LAMA2: variants seen among roughly 807,000 people sequenced by gnomAD.
LAMA2 encodes the protein laminin subunit alpha 2, also known as laminin subunit alpha-2.
Under a neutral mutation model 364.8 loss-of-function variants are expected in LAMA2, and 269 were observed. That is an observed-to-expected ratio of 0.74 (90% CI 0.67 to 0.82). The LOEUF is 0.82. Among genes scored for constraint, LAMA2 ranks in the 40% least tolerant of loss-of-function variants. The pLI is 0.00. For missense variants in LAMA2, 3,807 were observed against 3,873.2 expected (o/e 0.98, Z 0.45); for synonymous variants, 1,379 against 1,370.6 (o/e 1.01, Z -0.14).
intron 12 of LAMA2, among the ~76,000 whole-genome samples, chr6:129,215,063 T>G (rs1208099782): frequency 6.6e-6 from 1 of 152,198 alleles, no homozygotes; most frequent in Non-Finnish European, 1.5e-5. Flanking sequence ...TAACTTCACA[T>G]TCCAATTTTC....
intron 12 of LAMA2, among the ~76,000 whole-genome samples, chr6:129,224,319 T>A (rs534417572): frequency 1.6e-4 from 25 of 152,362 alleles, no homozygotes; most frequent in African/African-American, 6.0e-4. Flanking sequence ...CCTCTTTTCC[T>A]AATTAAATAC....
At chr6:129,135,341 T>G (rs1409832709) in intron 4 of LAMA2, among the ~76,000 whole-genome samples, 1 of 152,204 alleles carries the variant, frequency 6.6e-6, no homozygotes, top group Admixed American at 6.5e-5. Context: ...GGGGCCTAGA[T>G]GACCAGTTCT....
intron 12 of LAMA2, among the ~76,000 whole-genome samples, chr6:129,217,969 G>C (rs1783534938): frequency 6.6e-6 from 1 of 151,900 alleles, no homozygotes; most frequent in Non-Finnish European, 1.5e-5. Flanking sequence ...TGTATTCCAG[G>C]CTTTTAAAAA....
chr6:128,953,195 T>C (rs1780939447), intron 1 of LAMA2, among the ~76,000 whole-genome samples: 1 of 152,188 alleles, frequency 6.6e-6, no homozygotes, highest in Admixed American at 6.5e-5. Flanking sequence ...CAACTGGAAT[T>C]GAAGTCCATG....
At chr6:129,423,143 T>TA (rs1304268039) in intron 40 of LAMA2, among the ~76,000 whole-genome samples, 2 of 151,820 alleles carry the variant, frequency 1.3e-5, no homozygotes, top group Non-Finnish European at 2.9e-5. Flanking sequence ...TATTTTTTTT[T>TA]AAAAACTGCC....
intron 1 of LAMA2, among the ~76,000 whole-genome samples, chr6:129,045,573 T>A (rs1408458191): frequency 6.6e-6 from 1 of 152,206 alleles, no homozygotes; most frequent in Non-Finnish European, 1.5e-5. Flanking sequence ...CAATGGGTTA[T>A]ATGGGAATTA....
chr6:129,364,340 G>A (rs2114615582), intron 32 of LAMA2, among the ~76,000 whole-genome samples: 1 of 151,790 alleles, frequency 6.6e-6, no homozygotes, highest in Middle Eastern at 3.4e-3. Context: ...GCCAAGTTTG[G>A]GCATGATCCA....
At chr6:129,416,426 T>C (rs1780792498) in intron 40 of LAMA2, among the ~76,000 whole-genome samples, 2 of 152,112 alleles carry the variant, frequency 1.3e-5, no homozygotes, top group South Asian at 4.1e-4. Context: ...TTTTGCTTTC[T>C]CCATGGGAAA....
intron 22 of LAMA2, 139 bp downstream of exon 22, chr6:129,301,011 TAATC>T (rs1773517989): frequency 1.0e-5 from 8 of 764,326 alleles, no homozygotes; most frequent in East Asian, 8.0e-5. Context: ...TTACAGATAT[TAATC>T]AATATCTTAC....
In LAMA2 at chr6:129,393,166, G is replaced by T; in HGVS notation, c.5356G>T (p.Ala1786Ser). Residue 1786 changes from alanine to serine, a missense_variant, in exon 37 of 65, where the codon GCT (alanine) becomes TCT (serine). Physicochemically the swap from Ala to Ser is moderately conservative, Grantham distance 99. Around this residue, in one of 3 missense-constraint regions of LAMA2, gnomAD observed 3,333 missense variants for 3,345.7 expected, o/e 1.00. Transcript: ENST00000421865. ...TGACTACAAAAACAAAGTTGATGAT[G>T]CTTGGGACCTTTTGAGAGAAGCCAC... ...LADYKNKVDD[A>S]WDLLREATDK... is the part of the protein sequence containing the mutation. The T allele has an allele frequency of 6.2e-7, 1 of 1,614,092 alleles. No homozygotes were observed.
intron 12 of LAMA2, among the ~76,000 whole-genome samples, chr6:129,240,410 C>T (rs1785319727): frequency 6.6e-6 from 1 of 152,210 alleles, no homozygotes; most frequent in African/African-American, 2.4e-5. Context: ...TTCTATTTCT[C>T]CACTATGAAC....
At chr6:129,292,947 C>G (rs1174244302) in intron 20 of LAMA2, 1 of 985,790 alleles carries the variant, frequency 1.0e-6, no homozygotes. Context: ...CCTCGGCAGG[C>G]AGGTGCACCA....
chr6:129,203,344 T>A (rs1458603350), intron 12 of LAMA2, among the ~76,000 whole-genome samples: 5 of 152,262 alleles, frequency 3.3e-5, no homozygotes, highest in Non-Finnish European at 7.3e-5. Flanking sequence ...CACACTAGCC[T>A]ACGTGCATAT....
intron 42 of LAMA2, among the ~76,000 whole-genome samples, chr6:129,439,767 G>A (rs1394667010): frequency 6.7e-6 from 1 of 149,412 alleles, no homozygotes; most frequent in Non-Finnish European, 1.5e-5. Context: ...TTAAGTGTAT[G>A]TAATCCTCAT....
intron 14 of LAMA2, among the ~76,000 whole-genome samples, chr6:129,253,862 G>A (rs1476670570): frequency 1.3e-5 from 2 of 152,110 alleles, no homozygotes; most frequent in Non-Finnish European, 2.9e-5. Context: ...TCACAGCGCG[G>A]CTCTGTGAAA....
chr6:129,107,129 A>T (rs2114891943), intron 4 of LAMA2, among the ~76,000 whole-genome samples: 1 of 152,224 alleles, frequency 6.6e-6, no homozygotes, highest in East Asian at 1.9e-4. Flanking sequence ...GACACTGCAC[A>T]CTGACTTTTG....
rs368757363 is a variant in LAMA2 at position 129,170,688 on chromosome 6, G to A, written c.1306+5013G>A. On this transcript the variant is annotated intron_variant, in intron 9 of 64. Transcript: ENST00000421865. ...TAGATGTTTATTAGGTCCGCTTGGT[G>A]CAGAGCTGTGTTCAATTCCTGGGTA... Among the ~76,000 whole-genome samples, 35 of 152,230 alleles carry A rather than the reference G, an allele frequency of 2.3e-4. 1 individual carries two copies. The East Asian group carries it at 2.5e-3, about 11-fold the overall frequency.
intron 4 of LAMA2, among the ~76,000 whole-genome samples, chr6:129,112,376 C>T (rs1007154727): frequency 6.6e-6 from 1 of 151,802 alleles, no homozygotes; most frequent in Non-Finnish European, 1.5e-5. Context: ...GAAAGATAAA[C>T]TTTTGTGTTG....
intron 1 of LAMA2, among the ~76,000 whole-genome samples, chr6:128,922,068 T>C (rs550100750): frequency 1.3e-5 from 2 of 152,288 alleles, no homozygotes; most frequent in African/African-American, 2.4e-5. Flanking sequence ...TAGTATTCCA[T>C]GGTGTATATG....
Sources: allele counts gnomAD v4.1 joint callset (sites outside exome capture counted in the v4.1 genomes callset), GRCh38; gene constraint gnomAD v4.1.1; regional missense constraint gnomAD v4.1.1; transcripts MANE v1.5; gene names NCBI Gene and HGNC (gene_info 2026-07-23, HGNC 2026-07-21).